The following PLCH1 variants were observed in gnomAD, a reference collection of about 807,000 sequenced individuals.
PLCH1 encodes phospholipase C eta 1.
A neutral mutation model predicts 126.7 loss-of-function variants in PLCH1; 60 were observed. The observed-to-expected ratio is 0.47, with a 90% CI of 0.38 to 0.59. The LOEUF (loss-of-function observed/expected upper bound fraction) is 0.59. PLCH1 is among the 20% of genes least tolerant of loss of function. The pLI, the probability that PLCH1 is intolerant of heterozygous loss-of-function variation, is 0.00. For synonymous variants in PLCH1, 719 were observed against 734.9 expected (o/e 0.98, Z 0.35); for missense variants, 1,723 against 2,040.0 (o/e 0.84, Z 2.99).
At chr3:155,596,132 A>T in intron 3 of PLCH1, 100 bp downstream of exon 3, 1 of 828,124 alleles carries the variant, frequency 1.2e-6, no homozygotes, top group Non-Finnish European at 1.9e-6. Context: ...AACTTATAAA[A>T]GTATAAAACT....
At chr3:155,622,225 A>G (rs1374367540) in intron 2 of PLCH1, among the ~76,000 whole-genome samples, 1 of 152,204 alleles carries the variant, frequency 6.6e-6, no homozygotes, top group Non-Finnish European at 1.5e-5. Flanking sequence ...AGATTTTGTC[A>G]CCACCAGGCC....
Position 155,480,951 on chromosome 3 carries a change from A to C in PLCH1, c.*17T>G. The C allele has an allele frequency of 6.5e-7, 1 of 1,542,022 alleles. No homozygotes were observed. Among genetic ancestry groups the C allele is most frequent in the Non-Finnish European group, 8.8e-7 (1 of 1,137,630 alleles). On this transcript the variant is annotated 3_prime_UTR_variant, in exon 23 of 23. Coordinates refer to ENST00000460012, the MANE Select transcript of PLCH1 (RefSeq NM_014996.4). ...ACAGAATACCTTGAAAACCTTAAGAATGCAGTTTTAAATAATTCACAGTCT... is the reference window on the plus strand; with the variant it reads ...ACAGAATACCTTGAAAACCTTAAGACTGCAGTTTTAAATAATTCACAGTCT...
At chr3:155,696,352 G>C (rs1745800060) in intron 2 of PLCH1, among the ~76,000 whole-genome samples, 1 of 152,058 alleles carries the variant, frequency 6.6e-6, no homozygotes, top group Non-Finnish European at 1.5e-5. Context: ...AGATTGGAGG[G>C]TTTCATGATT....
rs150964243 is a variant in PLCH1 at position 155,513,307 on chromosome 3, A to G, written c.1632+1416T>C. Among the ~76,000 whole-genome samples, 442 of 152,342 alleles carry G rather than the reference A, an allele frequency of 2.9e-3. 2 individuals are homozygous for G. Among genetic ancestry groups the G allele is most frequent in the African/African-American group, 9.4e-3 (391 of 41,590 alleles). ...AAAAGGAGATGAGTTTTGCTACACT[A>G]CCTCTCAAAAATTTTTGGTTCTCTT... On this transcript the variant is annotated intron_variant, in intron 12 of 22. Coordinates refer to ENST00000460012, the MANE Select transcript of PLCH1 (RefSeq NM_014996.4).
intron 12 of PLCH1, among the ~76,000 whole-genome samples, chr3:155,513,633 A>G (rs533213655): frequency 6.6e-6 from 1 of 152,310 alleles, no homozygotes; most frequent in South Asian, 2.1e-4. Context: ...AAAGATTGTT[A>G]CTATTCATAG....
chr3:155,586,343 C>T, intron 4 of PLCH1, 149 bp from the exon 5 acceptor site: 1 of 686,156 alleles, frequency 1.5e-6, no homozygotes, highest in Non-Finnish European at 2.5e-6. Context: ...CTCTGATGAG[C>T]TACTAATAAT....
intron 6 of PLCH1, among the ~76,000 whole-genome samples, chr3:155,582,430 AC>A (rs1177220841): frequency 6.6e-6 from 1 of 152,170 alleles, no homozygotes; most frequent in Non-Finnish European, 1.5e-5. Flanking sequence ...TTAAATGTAT[AC>A]TTTAAAAATG....
chr3:155,472,143 G>GT (rs987710425), intron 21 of PLCH1, among the ~76,000 whole-genome samples: 2 of 152,100 alleles, frequency 1.3e-5, no homozygotes, highest in African/African-American at 4.8e-5. Flanking sequence ...CCAGGAGCTG[G>GT]TTTTTTGAAA....
intron 2 of PLCH1, among the ~76,000 whole-genome samples, chr3:155,678,297 G>C (rs1052900633): frequency 6.6e-6 from 1 of 152,188 alleles, no homozygotes; most frequent in Admixed American, 6.5e-5. Context: ...GCACATGGCA[G>C]GTTTATTCTG....
In PLCH1 at chr3:155,486,610, C is replaced by T. The variant is rs546282397; in HGVS notation, c.2620-900G>A. On this transcript the variant is annotated intron_variant, in intron 21 of 22. Coordinates refer to ENST00000460012, the MANE Select transcript of PLCH1 (RefSeq NM_014996.4). ...CGCAATCTCGGCTCACTGCAAGCTCCGCTTCCCGGGTTCACGCCATTCTCC... is the reference window on the plus strand; with the variant it reads ...CGCAATCTCGGCTCACTGCAAGCTCTGCTTCCCGGGTTCACGCCATTCTCC... 2.5e-4 allele frequency among the ~76,000 whole-genome samples: 38 copies of T among 150,826 alleles called. No individual in the cohort carries two copies. The South Asian group carries it at 6.9e-3, about 27-fold the overall frequency.
chr3:155,623,900 C>T (rs542793057), intron 2 of PLCH1, among the ~76,000 whole-genome samples: 210 of 152,176 alleles, frequency 1.4e-3, no homozygotes, highest in African/African-American at 4.9e-3. Flanking sequence ...ACTCATTTTA[C>T]GAGGCCAGCA....
intron 7 of PLCH1, among the ~76,000 whole-genome samples, chr3:155,565,656 G>A (rs55676183): frequency 0.18 from 27,333 of 151,130 alleles, 3,023 homozygotes; most frequent in African/African-American, 0.31. Context: ...ACCTAGCCTC[G>A]GGTATTTCTT....
chr3:155,653,748 C>T (rs1302576858), intron 2 of PLCH1, among the ~76,000 whole-genome samples: 1 of 152,210 alleles, frequency 6.6e-6, no homozygotes, highest in South Asian at 2.1e-4. Context: ...AGAAAAATTC[C>T]TCATTCCAAC....
chr3:155,590,734 A>C (rs1352032625), intron 4 of PLCH1, among the ~76,000 whole-genome samples: 1 of 152,354 alleles, frequency 6.6e-6, no homozygotes, highest in East Asian at 1.9e-4. Context: ...TGGGTGACAG[A>C]GCGAGACTCC....
At chr3:155,584,232 G>C (rs1037438219) in intron 5 of PLCH1, among the ~76,000 whole-genome samples, 1 of 152,118 alleles carries the variant, frequency 6.6e-6, no homozygotes, top group African/African-American at 2.4e-5. Context: ...TCTTGAAAAA[G>C]ACTAATCAAG....
chr3:155,495,385 C>T (rs114386370), intron 15 of PLCH1, among the ~76,000 whole-genome samples: 1,616 of 152,224 alleles, frequency 0.011, 25 homozygotes, highest in African/African-American at 0.037. Context: ...ATCTACAAAG[C>T]CCCCGCTATT....
intron 2 of PLCH1, among the ~76,000 whole-genome samples, chr3:155,670,920 C>T (rs1743360684): frequency 6.6e-6 from 1 of 152,088 alleles, no homozygotes; most frequent in South Asian, 2.1e-4. Context: ...ATTTGCAGGC[C>T]CATTTATTCC....
intron 10 of PLCH1, among the ~76,000 whole-genome samples, chr3:155,526,613 C>A (rs893602170): frequency 6.6e-6 from 1 of 151,832 alleles, no homozygotes; most frequent in Non-Finnish European, 1.5e-5. Flanking sequence ...CTGAAAGGAA[C>A]TGAAATGTGC....
chr3:155,483,894 G>C (rs1468098593), intron 22 of PLCH1, among the ~76,000 whole-genome samples: 1 of 152,028 alleles, frequency 6.6e-6, no homozygotes, highest in Non-Finnish European at 1.5e-5. Context: ...AATGCTTTCA[G>C]AGTCATGATA....
Sources: allele counts gnomAD v4.1 joint callset (sites outside exome capture counted in the v4.1 genomes callset), GRCh38; gene constraint gnomAD v4.1.1; transcripts MANE v1.5; gene names NCBI Gene and HGNC (gene_info 2026-07-23, HGNC 2026-07-21).